The following ATP13A4 variants were observed in gnomAD, a reference collection of about 807,000 sequenced individuals.
ATP13A4 encodes the protein ATPase 13A4.
Under a neutral mutation model 142.5 loss-of-function variants are expected in ATP13A4, and 114 were observed. The observed-to-expected ratio is 0.80, with a 90% CI of 0.69 to 0.93. The LOEUF is 0.93. Ranked by LOEUF, ATP13A4 falls within the 40% of genes least tolerant of loss-of-function variation. ATP13A4 has a pLI of 0.00. For missense variants in ATP13A4, 1,392 were observed against 1,454.0 expected, an observed-to-expected ratio of 0.96 and a Z score of 0.69; for synonymous variants, 488 against 514.8, an observed-to-expected ratio of 0.95 and a Z score of 0.70.
At chr3:193,550,347 C>T (rs1723480924) in intron 1 of ATP13A4, among the ~76,000 whole-genome samples, 1 of 150,766 alleles carries the variant, frequency 6.6e-6, no homozygotes, top group Non-Finnish European at 1.5e-5. Context: ...CACTCTATCC[C>T]CCAGGCTGGA....
chr3:193,436,486 C>T (rs1317243283), intron 23 of ATP13A4, among the ~76,000 whole-genome samples: 1 of 151,670 alleles, frequency 6.6e-6, no homozygotes, highest in Non-Finnish European at 1.5e-5. Context: ...CTTGCTTAGT[C>T]ACCCAGGCTG....
At chr3:193,550,146 G>A (rs1017360474) in intron 1 of ATP13A4, among the ~76,000 whole-genome samples, 1 of 152,156 alleles carries the variant, frequency 6.6e-6, no homozygotes, top group Non-Finnish European at 1.5e-5. Context: ...CCAATGTGAT[G>A]TCACTGAATT....
At chr3:193,441,652 A>G (rs1234743815) in intron 19 of ATP13A4, 64 bp from the exon 20 acceptor site, 2 of 1,573,226 alleles carry the variant, frequency 1.3e-6, no homozygotes, top group Admixed American at 1.7e-5. Flanking sequence ...AACCATAAGC[A>G]TATCTGAGAG....
intron 29 of ATP13A4, among the ~76,000 whole-genome samples, chr3:193,406,102 T>C (rs1194589785): frequency 6.6e-6 from 1 of 152,224 alleles, no homozygotes; most frequent in Non-Finnish European, 1.5e-5. Flanking sequence ...CTTTTGCACT[T>C]CTTCCAGGCC....
Position 193,414,736 on chromosome 3 carries a change from C to A in ATP13A4, c.2857G>T (p.Ala953Ser), listed in dbSNP as rs763280247. ...CTGAAAGGCACCAGCTTAGGGTAGGCACCATTCAGATTCACTATAAAATAA... is the reference window on the plus strand; with the variant it reads ...CTGAAAGGCACCAGCTTAGGGTAGGAACCATTCAGATTCACTATAAAATAA... ...LIGVTMNLNG[A>S]YPKLVPFRPA... Residue 953 changes from alanine to serine, a missense_variant, in exon 26 of 30, where the codon GCC (alanine) becomes TCC (serine). Transcript: ENST00000342695. The A allele has an allele frequency of 6.2e-7, 1 of 1,614,046 alleles. No homozygotes were observed. The highest frequency in any genetic ancestry group is 8.5e-7 in the Non-Finnish European group (1 of 1,179,966).
chr3:193,476,953 C>G (rs1718999949), intron 8 of ATP13A4, among the ~76,000 whole-genome samples: 1 of 151,934 alleles, frequency 6.6e-6, no homozygotes, highest in Non-Finnish European at 1.5e-5. Flanking sequence ...TAAGTATTTC[C>G]AGAGTTATCA....
At chr3:193,538,101 G>A (rs912885906) in intron 1 of ATP13A4, among the ~76,000 whole-genome samples, 1 of 152,144 alleles carries the variant, frequency 6.6e-6, no homozygotes, top group African/African-American at 2.4e-5. Flanking sequence ...GCCAATGGGG[G>A]AAACTGGGTA....
In ATP13A4 at chr3:193,489,771, A is replaced by G. The variant is rs761149183; in HGVS notation, c.697T>C (p.Ser233Pro). The G allele has an allele frequency of 6.2e-7, 1 of 1,611,160 alleles. No individual in the cohort carries two copies. Residue 233 changes from serine (S) to proline (P), a missense_variant, in exon 7 of 30, where the codon TCC (serine) becomes CCC (proline). Physicochemically the swap from Ser to Pro is moderately conservative, Grantham distance 74 (BLOSUM62 -1). Coordinates refer to ENST00000342695, the MANE Select transcript of ATP13A4 (RefSeq NM_032279.4). The part of the protein sequence containing the change: ...KEYAFAIIIM[S>P]IISISLTVYD... ...ACTGTCAAAGATATGGAAATTATGG[A>G]CATGATTATGATGGCAAAAGCATAT... is the stretch of plus-strand genomic sequence containing the variant.
chr3:193,572,243 G>T (rs994036153), intron 2 of ATP13A4, among the ~76,000 whole-genome samples: 5 of 152,100 alleles, frequency 3.3e-5, no homozygotes, highest in African/African-American at 1.2e-4. Flanking sequence ...ATAAGACCCT[G>T]TCTAAAAAAA....
chr3:193,455,065 G>T (rs1717510088), intron 16 of ATP13A4, among the ~76,000 whole-genome samples: 1 of 152,014 alleles, frequency 6.6e-6, no homozygotes, highest in Non-Finnish European at 1.5e-5. Context: ...AGGGCCGGGT[G>T]TGGTGGCTCA....
At chr3:193,548,399 A>G (rs1723345614) in intron 1 of ATP13A4, among the ~76,000 whole-genome samples, 1 of 152,218 alleles carries the variant, frequency 6.6e-6, no homozygotes, top group African/African-American at 2.4e-5. Context: ...TGTCTTCAAG[A>G]AGCAATTAAA....
rs560836374 is a variant in ATP13A4, at chr3:193,537,323, G to A, written c.60+17417C>T. ...CACCCAACAGATTTTTGACACATAC[G>A]CAAAAGCAAGAAAAAATAGAATTTT... is the stretch of plus-strand genomic sequence containing the variant. On this transcript the variant is annotated intron_variant, in intron 1 of 29. Transcript: ENST00000342695. 1.2e-4 allele frequency among the ~76,000 whole-genome samples: 18 copies of A among 152,032 alleles called. No individual in the cohort carries two copies. The East Asian group carries it at 2.9e-3, about 24-fold the overall frequency.
chr3:193,424,979 C>CAA lies in ATP13A4; in HGVS notation c.2842+8864_2842+8865dup, dbSNP rs71179305. ...TAATATCCAGATTATATCAGGAACT[C>CAA]AAAAAAAAACTCAATAGCAAAAATA... is the stretch of plus-strand genomic sequence containing the variant. On this transcript the variant is annotated intron_variant, in intron 25 of 29. Transcript: ENST00000342695. Among the ~76,000 whole-genome samples the CAA allele has an allele frequency of 5.6e-3, 812 of 144,510 alleles. 38 individuals carry two copies. Among genetic ancestry groups the CAA allele is most frequent in the African/African-American group, 0.02 (773 of 39,406 alleles). 94.8% of individuals were successfully genotyped at this position (144,510 alleles called of 152,430 possible). A position where few individuals can be genotyped will look rare whatever the true frequency, so the allele number is the denominator to read the frequency against.
chr3:193,585,019 A>C (rs1724641435), intron 1 of ATP13A4, among the ~76,000 whole-genome samples: 1 of 152,218 alleles, frequency 6.6e-6, no homozygotes, highest in African/African-American at 2.4e-5. Context: ...TGGATGCTCT[A>C]AATCAAGCTT....
Position 193,454,193 on chromosome 3 carries a change from G to A in ATP13A4, c.1935C>T (p.Ser645=), listed in dbSNP as rs141683112. Residue 645 remains serine, a synonymous_variant, in exon 17 of 30, where the codon AGC becomes AGT. Coordinates refer to ENST00000342695, the MANE Select transcript of ATP13A4 (RefSeq NM_032279.4). ...QPETVPTSFV[S]ELQIYTTQGF... is the part of the protein sequence containing the mutation. ...CCTGTGTCGTGTAAATCTGAAGTTC[G>A]CTAACAAAACTAGTGGGTACTGTTT... 21 of 1,613,298 alleles carry A rather than the reference G, an allele frequency of 1.3e-5. No homozygotes were observed. The highest frequency in any genetic ancestry group is 5.5e-5 in the South Asian group (5 of 91,072).
At chr3:193,582,504 G>C (rs937759880) in intron 1 of ATP13A4, among the ~76,000 whole-genome samples, 5 of 138,872 alleles carry the variant, frequency 3.6e-5, no homozygotes, top group African/African-American at 1.1e-4. Flanking sequence ...ATACTTATAA[G>C]TATACATTAA....
chr3:193,421,886 AG>A (rs1715420604), intron 25 of ATP13A4, among the ~76,000 whole-genome samples: 1 of 149,982 alleles, frequency 6.7e-6, no homozygotes, highest in Non-Finnish European at 1.5e-5. Flanking sequence ...CAGGAACAAA[AG>A]AACTACAAAA....
chr3:193,416,479 A>C (rs188006464), intron 25 of ATP13A4, among the ~76,000 whole-genome samples: 1 of 152,202 alleles, frequency 6.6e-6, no homozygotes, highest in Non-Finnish European at 1.5e-5. Context: ...TGAGAATGTC[A>C]GTAAAAAGAT....
At chr3:193,404,796 C>T (rs1714411843) in intron 29 of ATP13A4, among the ~76,000 whole-genome samples, 1 of 152,154 alleles carries the variant, frequency 6.6e-6, no homozygotes, top group Non-Finnish European at 1.5e-5. Context: ...TTGTTCACAG[C>T]AGTGGGAGAA....
Sources: allele counts gnomAD v4.1 joint callset (sites outside exome capture counted in the v4.1 genomes callset), GRCh38; gene constraint gnomAD v4.1.1; transcripts MANE v1.5; gene names NCBI Gene and HGNC (gene_info 2026-07-23, HGNC 2026-07-21).